The following NPC1 variants were observed in gnomAD, a reference collection of about 807,000 sequenced individuals.
NPC1 encodes the protein Niemann-Pick C1 protein.
NPC1 carries 85 observed loss-of-function variants against 140.4 expected under a neutral mutation model. That is an observed-to-expected ratio of 0.61 (90% CI 0.51 to 0.72). The LOEUF is 0.72. NPC1 is among the 30% of genes least tolerant of loss of function. The pLI is 0.00. For missense variants in NPC1, 1,504 were observed against 1,623.8 expected, an observed-to-expected ratio of 0.93 and a Z score of 1.27; for synonymous variants, 656 against 624.8, an observed-to-expected ratio of 1.05 and a Z score of -0.74.
downstream of NPC1, chr18:23,519,099 G>C: frequency 6.2e-7 from 1 of 1,614,166 alleles, no homozygotes; most frequent in South Asian, 1.1e-5. Flanking sequence ...TGCACATATT[G>C]AAGTTAAATA....
intron 6 of NPC1, among the ~76,000 whole-genome samples, chr18:23,559,826 C>T (rs747600387): frequency 3.9e-5 from 6 of 152,034 alleles, no homozygotes; most frequent in South Asian, 2.1e-4. Context: ...GGCATGGTGG[C>T]GGATGCCTGT....
downstream of NPC1, chr18:23,528,745 T>C (rs927528156): frequency 7.0e-5 from 11 of 158,214 alleles, no homozygotes; most frequent in African/African-American, 2.4e-4. Flanking sequence ...CCACACGGTC[T>C]GCTGGGCTCC....
chr18:23,533,154 T>C, intron 24 of NPC1: 1 of 682,558 alleles, frequency 1.5e-6, no homozygotes, highest in Non-Finnish European at 2.4e-6. Context: ...ATCGACAACT[T>C]CCTAATAAAG....
chr18:23,577,023 T>G (rs941903282), intron 1 of NPC1: 3 of 152,220 alleles, frequency 2.0e-5, no homozygotes, highest in Non-Finnish European at 2.9e-5. Context: ...TAGAGCCGAG[T>G]GGCCTGTTTT....
At chr18:23,572,516 G>A (rs1421396513) in intron 2 of NPC1, among the ~76,000 whole-genome samples, 1 of 152,142 alleles carries the variant, frequency 6.6e-6, no homozygotes, top group Admixed American at 6.5e-5. Flanking sequence ...AGGGAAAGTT[G>A]AAACCTTTAA....
Position 23,561,618 on chromosome 18 carries a change from A to G in NPC1, c.464-91T>C. ...TACAAAAGGCCTCTTGAAGGGAAAC[A>G]CGAACTCCATATGCACCATGCTGGA... On this transcript the variant is annotated intron_variant, in intron 4 of 24. Coordinates refer to ENST00000269228, the MANE Select transcript of NPC1 (RefSeq NM_000271.5). 4 of 1,259,300 alleles carry G rather than the reference A, an allele frequency of 3.2e-6. No homozygotes were observed. The South Asian group carries it at 4.8e-5, about 15-fold the overall frequency. The allele number at this position is 1,259,300 out of a possible 1,614,324, so 78.0% of individuals were successfully genotyped here. A position where few individuals can be genotyped will look rare whatever the true frequency, so the allele number is the denominator to read the frequency against.
chr18:23,549,395 T>A (rs1269827329), intron 10 of NPC1, among the ~76,000 whole-genome samples: 1 of 152,014 alleles, frequency 6.6e-6, no homozygotes, highest in Non-Finnish European at 1.5e-5. Flanking sequence ...CCCAGCACTT[T>A]GGGAGGCCAA....
At chr18:23,516,201 G>T (rs1434872174) in intron 3 of NPC1, 1 of 1,357,122 alleles carries the variant, frequency 7.4e-7, no homozygotes, top group African/African-American at 1.4e-5. Flanking sequence ...GGACATGGGG[G>T]ACGGTGGAAA....
intron 1 of NPC1, among the ~76,000 whole-genome samples, chr18:23,578,571 G>T (rs1382687196): frequency 6.6e-6 from 1 of 151,560 alleles, no homozygotes; most frequent in African/African-American, 2.4e-5. Context: ...CACCTCAGGG[G>T]CCTCCACACC....
In NPC1 at chr18:23,539,357, G is replaced by GA; in HGVS notation, c.2908dup (p.Ser970PhefsTer4). On this transcript the variant is annotated frameshift_variant, in exon 19 of 25. Transcript: ENST00000269228. LOFTEE classifies it high-confidence loss of function. The stretch of plus-strand genomic sequence containing the variant: ...AGATTTGGTAAAGGAGAAGGTACCT[G>GA]AAGCATTGCAGAACTGGTCAGTGAT... 1 of 1,604,632 alleles carries GA rather than the reference G, an allele frequency of 6.2e-7. No individual in the cohort carries two copies. The highest frequency in any genetic ancestry group is 8.5e-7 in the Non-Finnish European group (1 of 1,171,382).
At chr18:23,511,953 T>C (rs1446235292) in intron 3 of NPC1, among the ~76,000 whole-genome samples, 2 of 152,064 alleles carry the variant, frequency 1.3e-5, no homozygotes, top group African/African-American at 4.8e-5. Flanking sequence ...CTGCTTTTCA[T>C]ACCTTTAGGA....
chr18:23,515,764 C>T, intron 3 of NPC1: 1 of 1,488,548 alleles, frequency 6.7e-7, no homozygotes, highest in Admixed American at 1.7e-5. Context: ...AACTCCTGAC[C>T]TCAGGTGATC....
chr18:23,562,463 C>T (rs2059057421), intron 4 of NPC1, among the ~76,000 whole-genome samples: 1 of 151,820 alleles, frequency 6.6e-6, no homozygotes, highest in Non-Finnish European at 1.5e-5. Context: ...TCTCTGCTTG[C>T]TAGAAACTTC....
downstream of NPC1, chr18:23,529,369 A>C: frequency 6.5e-7 from 1 of 1,543,574 alleles, no homozygotes; most frequent in Non-Finnish European, 8.7e-7. Flanking sequence ...AAACGAGGAG[A>C]CTTCATGTGA....
chr18:23,556,805 T>C, intron 7 of NPC1, 192 bp from the exon 8 acceptor site: 1 of 845,242 alleles, frequency 1.2e-6, no homozygotes, highest in South Asian at 1.5e-5. Flanking sequence ...CAATGAGCGC[T>C]ATTCCCACCC....
intron 3 of NPC1, among the ~76,000 whole-genome samples, chr18:23,569,489 AT>A (rs1187815136): frequency 6.6e-6 from 1 of 152,106 alleles, no homozygotes; most frequent in Non-Finnish European, 1.5e-5. Flanking sequence ...CACCTGGCTA[AT>A]TTTTAAAATG....
rs1256667992 is a variant in NPC1, at chr18:23,576,442, G to A, written c.58-2868C>T. ...GTCTCAAAAAAAAAGTCATCCTGCCGAAAGAAGCAACCTAAGCCAGCAGGA... is the reference window on the plus strand; with the variant it reads ...GTCTCAAAAAAAAAGTCATCCTGCCAAAAGAAGCAACCTAAGCCAGCAGGA... On this transcript the variant is annotated intron_variant, in intron 1 of 24. Transcript: ENST00000269228. The A allele has an allele frequency of 1.4e-5, 14 of 985,036 alleles. No homozygotes were observed. In the Admixed American group the frequency reaches 1.8e-4, roughly 13 times the overall value. 61.0% of individuals were successfully genotyped at this position (985,036 alleles called of 1,614,324 possible).
downstream of NPC1, chr18:23,526,832 C>A: frequency 6.4e-7 from 1 of 1,568,726 alleles, no homozygotes. Context: ...CACTTTTTAT[C>A]GGGATGTGGG....
intron 20 of NPC1, 77 bp downstream of exon 20, chr18:23,538,465 A>G (rs2058664680): frequency 6.4e-7 from 1 of 1,560,036 alleles, no homozygotes; most frequent in Non-Finnish European, 8.8e-7. Flanking sequence ...CAACTGTCTT[A>G]GCCCAGTCCT....
Sources: allele counts gnomAD v4.1 joint callset (sites outside exome capture counted in the v4.1 genomes callset), GRCh38; gene constraint gnomAD v4.1.1; transcripts MANE v1.5; gene names NCBI Gene and HGNC (gene_info 2026-07-23, HGNC 2026-07-21).